SERINC5: variants seen among roughly 807,000 people sequenced by gnomAD.
The protein encoded by SERINC5 is chromosome 5 open reading frame 12.
SERINC5 carries 41 observed loss-of-function variants against 63.1 expected under a neutral mutation model. That is an observed-to-expected ratio of 0.65 (90% CI 0.51 to 0.84). The LOEUF (loss-of-function observed/expected upper bound fraction) is 0.84. SERINC5 is among the 40% of genes least tolerant of loss of function. SERINC5 has a pLI of 0.00. For synonymous variants in SERINC5, 222 were observed against 215.2 expected (o/e 1.03, Z -0.28); for missense variants, 523 against 573.0 (o/e 0.91, Z 0.89).
At chr5:80,240,147 C>T (rs1476342331) in intron 1 of SERINC5, among the ~76,000 whole-genome samples, 1 of 152,304 alleles carries the variant, frequency 6.6e-6, no homozygotes, top group South Asian at 2.1e-4. Flanking sequence ...AGGTAGAAAA[C>T]TGCACCAAGC....
intron 2 of SERINC5, among the ~76,000 whole-genome samples, chr5:80,195,528 C>T (rs867455158): frequency 1.3e-5 from 2 of 152,132 alleles, no homozygotes; most frequent in East Asian, 1.9e-4. Context: ...CTCTTTAACT[C>T]GCTCCTTTAA....
chr5:80,169,891 C>G (rs757633685), intron 5 of SERINC5, among the ~76,000 whole-genome samples: 18 of 152,128 alleles, frequency 1.2e-4, no homozygotes, highest in Non-Finnish European at 2.2e-4. Context: ...GTGTACTGAG[C>G]CAGAGGTCTG....
chr5:80,215,544 T>C (rs144959169), intron 1 of SERINC5, among the ~76,000 whole-genome samples: 1 of 152,358 alleles, frequency 6.6e-6, no homozygotes, highest in East Asian at 1.9e-4. Context: ...ACTAGAAATA[T>C]GCTCTTATAG....
intron 2 of SERINC5, among the ~76,000 whole-genome samples, chr5:80,186,931 G>A (rs910415814): frequency 7.2e-5 from 11 of 152,010 alleles, no homozygotes; most frequent in Admixed American, 3.3e-4. Flanking sequence ...CAAGGCGGGC[G>A]GACTGCCTGA....
At chr5:80,246,421 T>C (rs1276874016) in intron 1 of SERINC5, among the ~76,000 whole-genome samples, 1 of 152,236 alleles carries the variant, frequency 6.6e-6, no homozygotes, top group Non-Finnish European at 1.5e-5. Flanking sequence ...GCTAGTTATC[T>C]TTTCATAAAT....
chr5:80,134,909 A>G (rs1745098804), downstream of SERINC5, among the ~76,000 whole-genome samples: 1 of 152,246 alleles, frequency 6.6e-6, no homozygotes, highest in Non-Finnish European at 1.5e-5. Flanking sequence ...AATCCCAGTA[A>G]AATCCACAGA....
At chr5:80,162,917 G>C (rs1393887914) in intron 7 of SERINC5, among the ~76,000 whole-genome samples, 1 of 151,352 alleles carries the variant, frequency 6.6e-6, no homozygotes, top group Non-Finnish European at 1.5e-5. Flanking sequence ...TGCGATCTTG[G>C]CTAGTGAGCC....
rs1211681011 is a variant in SERINC5, at chr5:80,238,076, C to A, written c.27+17820G>T. ...CAGAGATCGCACCACTGCACTCCAG[C>A]CTGGGCGACAGAGTAAGACTCTGTC... is the stretch of plus-strand genomic sequence containing the variant. On this transcript the variant is annotated intron_variant, in intron 1 of 11. Coordinates refer to ENST00000507668, the MANE Select transcript of SERINC5 (RefSeq NM_001174072.3). 1.5e-4 allele frequency among the ~76,000 whole-genome samples: 22 copies of A among 145,040 alleles called. 1 individual carries two copies. The Admixed American group carries it at 1.6e-3, about 10-fold the overall frequency.
At chr5:80,156,349 C>T (rs1267840446) in intron 8 of SERINC5, among the ~76,000 whole-genome samples, 1 of 152,152 alleles carries the variant, frequency 6.6e-6, no homozygotes. Flanking sequence ...GGGCTAACTC[C>T]CACCCCTACA....
intron 2 of SERINC5, among the ~76,000 whole-genome samples, chr5:80,182,070 G>A (rs185902751): frequency 6.6e-6 from 1 of 152,264 alleles, no homozygotes; most frequent in East Asian, 1.9e-4. Flanking sequence ...AATACTGACT[G>A]GCTGGTGCAG....
intron 1 of SERINC5, among the ~76,000 whole-genome samples, chr5:80,249,316 A>G (rs969345727): frequency 6.9e-6 from 1 of 145,490 alleles, no homozygotes; most frequent in African/African-American, 2.5e-5. Context: ...CTCTGTCTCC[A>G]AAAAAAAAAA....
intron 1 of SERINC5, among the ~76,000 whole-genome samples, chr5:80,225,320 A>T (rs1411602621): frequency 6.6e-6 from 1 of 152,244 alleles, no homozygotes; most frequent in Non-Finnish European, 1.5e-5. Flanking sequence ...CAAATAACAC[A>T]GACAAACCTA....
intron 7 of SERINC5, 100 bp downstream of exon 7, chr5:80,166,283 T>C: frequency 1.2e-6 from 1 of 837,226 alleles, no homozygotes; most frequent in Non-Finnish European, 1.9e-6. Context: ...CTTTCTGCTC[T>C]CTATCTCCAA....
chr5:80,213,245 C>CAAAAAAAAAAAAAAAAG (rs57289084), intron 1 of SERINC5, among the ~76,000 whole-genome samples: 31 of 132,676 alleles, frequency 2.3e-4, no homozygotes, highest in Non-Finnish European at 2.2e-4. Flanking sequence ...GACTGCATCT[C>CAAAAAAAAAAAAAAAAG]AAAGAAAGAA....
intron 1 of SERINC5, among the ~76,000 whole-genome samples, chr5:80,216,847 C>CA: frequency 6.6e-6 from 1 of 151,888 alleles, no homozygotes; most frequent in South Asian, 2.1e-4. Flanking sequence ...ACTGTCTCTA[C>CA]AAAAAATACA....
intron 1 of SERINC5, among the ~76,000 whole-genome samples, chr5:80,236,190 A>T (rs978986657): frequency 1.3e-5 from 2 of 152,210 alleles, no homozygotes; most frequent in Non-Finnish European, 2.9e-5. Flanking sequence ...TCTAACATTT[A>T]TGAACTCATA....
downstream of SERINC5, among the ~76,000 whole-genome samples, chr5:80,137,535 G>T (rs1580045128): frequency 6.6e-6 from 1 of 151,714 alleles, no homozygotes; most frequent in African/African-American, 2.4e-5. Flanking sequence ...GCTGCTACTC[G>T]GGAGGCTGAG....
At chr5:80,245,366 T>C (rs1752125017) in intron 1 of SERINC5, among the ~76,000 whole-genome samples, 2 of 152,250 alleles carry the variant, frequency 1.3e-5, no homozygotes, top group Non-Finnish European at 1.5e-5. Flanking sequence ...CATGGGCTCA[T>C]CCACTTCTGG....
intron 5 of SERINC5, among the ~76,000 whole-genome samples, chr5:80,172,114 G>A (rs1297668173): frequency 1.3e-5 from 2 of 152,020 alleles, no homozygotes; most frequent in East Asian, 1.9e-4. Flanking sequence ...GACAGATCAC[G>A]AGGTCAGGAA....
Sources: allele counts gnomAD v4.1 joint callset (sites outside exome capture counted in the v4.1 genomes callset), GRCh38; gene constraint gnomAD v4.1.1; transcripts MANE v1.5; gene names NCBI Gene and HGNC (gene_info 2026-07-23, HGNC 2026-07-21).